Variants in DMBT1 observed in about 807,000 individuals in gnomAD.
DMBT1 encodes the protein deleted in malignant brain tumors 1.
A neutral mutation model predicts 252.9 loss-of-function variants in DMBT1; 198 were observed. The ratio of observed to expected loss-of-function variants is 0.78; its 90% CI spans 0.70 to 0.88. The LOEUF (loss-of-function observed/expected upper bound fraction) is 0.88, where lower values mean the gene tolerates loss of function less well. Ranked by LOEUF, DMBT1 falls within the 40% of genes least tolerant of loss-of-function variation. The pLI is 0.00. For missense variants in DMBT1, 2,432 were observed against 2,404.7 expected, an observed-to-expected ratio of 1.01 and a Z score of -0.24; for synonymous variants, 990 against 942.7, an observed-to-expected ratio of 1.05 and a Z score of -0.92.
intron 9 of DMBT1, 42 bp downstream of exon 9, chr10:122,578,801 C>T (rs1338417447): frequency 1.9e-6 from 3 of 1,547,708 alleles, no homozygotes; most frequent in Non-Finnish European, 2.7e-6. Flanking sequence ...CACTTTCTAC[C>T]TCTGGATACA....
At chr10:122,635,274 G>C (rs1007450761) in intron 52 of DMBT1, among the ~76,000 whole-genome samples, 4 of 152,154 alleles carry the variant, frequency 2.6e-5, no homozygotes, top group African/African-American at 4.8e-5. Flanking sequence ...GACTTGCCCA[G>C]TATTTATTTA....
intron 49 of DMBT1, 36 bp downstream of exon 49, chr10:122,631,317 G>GTAACTTGCTATAAAGCAAGAGCT: frequency 6.2e-7 from 1 of 1,602,100 alleles, no homozygotes; most frequent in Non-Finnish European, 8.5e-7. Context: ...CATTTCACCT[G>GTAACTTGCTATAAAGCAAGAGCT]TAACTTGCTA....
At position 122,643,059 on chromosome 10, in the gene DMBT1, A is replaced by C. The variant is rs1844854989; in HGVS notation, c.7353-63A>C. On this transcript the variant is annotated intron_variant, in intron 55 of 55. Coordinates refer to ENST00000338354, the MANE Select transcript of DMBT1 (RefSeq NM_001377530.1). Reference sequence around the variant, plus strand: ...GGCTGTGGAGTTCCTCACCTGGTACAACTGAGTCATGAAGGAAGAATCGGG... The same window carrying C: ...GGCTGTGGAGTTCCTCACCTGGTACCACTGAGTCATGAAGGAAGAATCGGG... 30 of 1,579,448 alleles carry C rather than the reference A, an allele frequency of 1.9e-5. No individual in the cohort carries two copies. In the South Asian group the frequency reaches 3.4e-4, roughly 18 times the overall value.
rs1451315516 is a variant in DMBT1 at position 122,593,192 on chromosome 10, C to T, written c.2501-377C>T. On this transcript the variant is annotated intron_variant, in intron 20 of 55. Transcript: ENST00000338354. Reference sequence around the variant, plus strand: ...TGTGGGGAGGGCAGCCCCCATGAGACAGGCCAGGCATGGCCTTGTTATTGC... The same window carrying T: ...TGTGGGGAGGGCAGCCCCCATGAGATAGGCCAGGCATGGCCTTGTTATTGC... Among the ~76,000 whole-genome samples the T allele has an allele frequency of 2.0e-5, 3 of 148,956 alleles. 1 individual carries two copies. The highest frequency in any genetic ancestry group is 4.5e-5 in the Non-Finnish European group (3 of 66,830).
rs747011103 is a variant in DMBT1 at position 122,599,005 on chromosome 10, C to G, written c.3188C>G (p.Ser1063Ter). Residue 1063 changes from serine to a stop codon, truncating the protein, a stop_gained, in exon 26 of 56, where the codon TCA (serine) becomes TGA (stop). Transcript: ENST00000338354. LOFTEE classifies it high-confidence loss of function. Reference protein sequence around the residue: ...GPIVLDDVRCSGHESYLWSCP... With the variant: ...GPIVLDDVRC ...ATTGTCCTGGATGATGTGCGCTGCTCAGGACACGAGTCTTACCTGTGGAGC... is the reference window on the plus strand; with the variant it reads ...ATTGTCCTGGATGATGTGCGCTGCTGAGGACACGAGTCTTACCTGTGGAGC... 4 of 1,613,796 alleles carry G rather than the reference C, an allele frequency of 2.5e-6. No homozygotes were observed. Among genetic ancestry groups the G allele is most frequent in the East Asian group, 4.5e-5 (2 of 44,870 alleles).
At chr10:122,569,007 C>G (rs529480086) in intron 2 of DMBT1, among the ~76,000 whole-genome samples, 5 of 152,206 alleles carry the variant, frequency 3.3e-5, no homozygotes, top group Admixed American at 6.5e-5. Context: ...TACAGCTTAC[C>G]TGCTTTGCAG....
rs748783097 is a variant in DMBT1 at position 122,643,268 on chromosome 10, C to T, written c.7499C>T (p.Ser2500Phe). The T allele has an allele frequency of 3.1e-6, 5 of 1,613,880 alleles. No individual in the cohort carries two copies. The South Asian group carries it at 5.5e-5, about 18-fold the overall frequency. Reference protein sequence around the residue: ...KMVVCRAYDPSSRCYRGCVLR... With the variant: ...KMVVCRAYDPFSRCYRGCVLR... ...GTGGTGTGCAGAGCGTATGACCCCT[C>T]TTCCCGCTGCTACCGAGGCTGTGTG... is the stretch of plus-strand genomic sequence containing the variant. The change falls in exon 56 of 56, where the codon TCT becomes TTT. Residue 2500 changes from serine (S) to phenylalanine (F), a missense_variant. Around this residue, in one of 3 missense-constraint regions of DMBT1, gnomAD observed 1,162 missense variants for 1,169.0 expected, o/e 0.99. Coordinates refer to ENST00000338354, the MANE Select transcript of DMBT1 (RefSeq NM_001377530.1).
chr10:122,630,702 A>G (rs551556524), intron 48 of DMBT1, among the ~76,000 whole-genome samples: 67 of 151,980 alleles, frequency 4.4e-4, no homozygotes, highest in Non-Finnish European at 9.0e-4. Flanking sequence ...TCTGCCACCA[A>G]CTCTCCAGGG....
chr10:122,586,524 C>T lies in DMBT1; in HGVS notation c.1783+141C>T, dbSNP rs377229508. On this transcript the variant is annotated intron_variant, in intron 16 of 55. Coordinates refer to ENST00000338354, the MANE Select transcript of DMBT1 (RefSeq NM_001377530.1). ...CCTCCTTAGCTCTCTCCTAGGAAAC[C>T]GCATGAGTCTTCACCACATTGCCAG... 1.2e-4 allele frequency: 166 copies of T among 1,353,920 alleles called. 8 individuals carry two copies. In the African/African-American group the frequency reaches 1.5e-3, roughly 12 times the overall value. 83.9% of individuals were successfully genotyped at this position (1,353,920 alleles called of 1,614,324 possible).
rs1318162212 is a variant in DMBT1 at position 122,584,341 on chromosome 10, G to A, written c.1410G>A (p.Thr470=). ...TCACAGCTGCCCACTCCTGGTCGAC[G>A]CCCAGTCCAGGTGAGTCCCCAGTGT... The part of the protein sequence containing the change: ...VICSAAHSWS[T]PSPDTLPTIT... The change falls in exon 14 of 56, where the codon ACG becomes ACA. Residue 470 remains threonine, a synonymous_variant. Coordinates refer to ENST00000338354, the MANE Select transcript of DMBT1 (RefSeq NM_001377530.1). The A allele has an allele frequency of 1.1e-5, 6 of 543,132 alleles. No homozygotes were observed. The highest frequency in any genetic ancestry group is 2.5e-5 in the South Asian group (1 of 39,580). 33.6% of individuals were successfully genotyped at this position (543,132 alleles called of 1,614,324 possible).
intron 46 of DMBT1, among the ~76,000 whole-genome samples, chr10:122,628,579 T>C (rs1169371214): frequency 2.6e-5 from 4 of 152,248 alleles, no homozygotes; most frequent in African/African-American, 9.6e-5. Context: ...GAGGTTGCAG[T>C]AAGCTGAGAT....
intron 46 of DMBT1, 100 bp from the exon 47 acceptor site, chr10:122,629,740 G>T (rs2098144513): frequency 1.4e-6 from 2 of 1,398,846 alleles, no homozygotes. Flanking sequence ...TTGTTATAAA[G>T]TGCAGAAGAT....
chr10:122,629,773 G>A, intron 46 of DMBT1, 67 bp from the exon 47 acceptor site: 2 of 1,562,534 alleles, frequency 1.3e-6, no homozygotes, highest in Non-Finnish European at 1.7e-6. Flanking sequence ...TACTTACACA[G>A]ATGATTCCTT....
intron 3 of DMBT1, 70 bp downstream of exon 3, chr10:122,570,279 A>G (rs2097649442): frequency 7.8e-7 from 1 of 1,285,278 alleles, no homozygotes; most frequent in Non-Finnish European, 1.1e-6. Flanking sequence ...TCTCTGATCC[A>G]GAAGAGATGC....
intron 9 of DMBT1, 100 bp from the exon 10 acceptor site, chr10:122,579,478 G>C (rs1336619856): frequency 1.3e-6 from 2 of 1,587,902 alleles, no homozygotes; most frequent in African/African-American, 1.3e-5. Flanking sequence ...TGCCTGCCTA[G>C]GTGACTTAGT....
Position 122,630,422 on chromosome 10 carries a change from T to A in DMBT1, c.5957T>A (p.Ile1986Asn). The A allele has an allele frequency of 1.9e-6, 3 of 1,613,998 alleles. No homozygotes were observed. The highest frequency in any genetic ancestry group is 2.5e-6 in the Non-Finnish European group (3 of 1,179,898). Residue 1986 changes from isoleucine (I) to asparagine (N), a missense_variant, in exon 48 of 56, where the codon ATT becomes AAT. This residue lies in a region of DMBT1 where 1,162 missense variants were observed against 1,169.0 expected (regional missense o/e 0.99). Coordinates refer to ENST00000338354, the MANE Select transcript of DMBT1 (RefSeq NM_001377530.1). The part of the protein sequence containing the change: ...IFTSSYNRMT[I>N]HFRSDISFQN... ...ACATCTTCTTACAACCGAATGACCA[T>A]TCACTTTCGAAGTGACATCAGTTTC...
At chr10:122,629,453 T>A (rs2098141949) in intron 46 of DMBT1, among the ~76,000 whole-genome samples, 1 of 152,224 alleles carries the variant, frequency 6.6e-6, no homozygotes, top group Non-Finnish European at 1.5e-5. Flanking sequence ...CACACTGTGT[T>A]ATGGAGTGCT....
Position 122,634,454 on chromosome 10 carries a change from C to CTCT in DMBT1, c.6548+1114_6548+1116dup, listed in dbSNP as rs2098206667. Among the ~76,000 whole-genome samples, 5 of 98,814 alleles carry CTCT rather than the reference C, an allele frequency of 5.1e-5. 1 individual carries two copies. The highest frequency in any genetic ancestry group is 2.8e-4 in the African/African-American group (5 of 17,726). 64.8% of individuals were successfully genotyped at this position (98,814 alleles called of 152,430 possible). A position where few individuals can be genotyped will look rare whatever the true frequency, so the allele number is the denominator to read the frequency against. ...CTTCTCTCTCTCTCTCTCTCTCTCT[C>CTCT]TCTCTCTCTCTCTCTCTCTCTCTCT... On this transcript the variant is annotated intron_variant, in intron 52 of 55. Transcript: ENST00000338354.
At chr10:122,562,393 C>T (rs1376381706) in intron 1 of DMBT1, among the ~76,000 whole-genome samples, 1 of 152,124 alleles carries the variant, frequency 6.6e-6, no homozygotes. Flanking sequence ...AGCCCTCCCA[C>T]CCAGGTGGTA....
Sources: allele counts gnomAD v4.1 joint callset (sites outside exome capture counted in the v4.1 genomes callset), GRCh38; gene constraint gnomAD v4.1.1; regional missense constraint gnomAD v4.1.1; transcripts MANE v1.5; gene names NCBI Gene and HGNC (gene_info 2026-07-23, HGNC 2026-07-21).